The following PTPRJ variants were observed in gnomAD, a reference collection of about 807,000 sequenced individuals.
The protein encoded by PTPRJ is protein tyrosine phosphatase receptor type J.
In PTPRJ, 129 loss-of-function variants were observed where a neutral mutation model predicts 141.3. The observed-to-expected ratio is 0.91, with a 90% CI of 0.79 to 1.06. The LOEUF is 1.06. Among genes scored for constraint, PTPRJ ranks in the 50% least tolerant of loss-of-function variants. The probability of loss-of-function intolerance (pLI) is 0.00; values close to 1 mark genes in which losing one functional copy is unlikely to be tolerated. For synonymous variants in PTPRJ, 610 were observed against 640.5 expected, an observed-to-expected ratio of 0.95 and a Z score of 0.72; for missense variants, 1,601 against 1,679.7, an observed-to-expected ratio of 0.95 and a Z score of 0.82.
intron 1 of PTPRJ, among the ~76,000 whole-genome samples, chr11:48,071,492 A>G (rs1855251057): frequency 6.7e-6 from 1 of 148,286 alleles, no homozygotes; most frequent in Non-Finnish European, 1.5e-5. Context: ...AATTTTTTGT[A>G]TTTTTAGTAG....
intron 1 of PTPRJ, among the ~76,000 whole-genome samples, chr11:48,079,594 T>TG (rs1855506642): frequency 6.6e-6 from 1 of 151,978 alleles, no homozygotes; most frequent in South Asian, 2.1e-4. Context: ...CTGAGGCTCT[T>TG]GGGGGCAACT....
intron 1 of PTPRJ, among the ~76,000 whole-genome samples, chr11:48,074,904 AT>A (rs1855360094): frequency 6.6e-6 from 1 of 152,250 alleles, no homozygotes; most frequent in Non-Finnish European, 1.5e-5. Context: ...ACCTCCAAAA[AT>A]TTTATGTGGG....
rs1263076354 is a variant in PTPRJ at position 48,153,847 on chromosome 11, G to C, written c.3190G>C (p.Glu1064Gln). 6.2e-7 allele frequency: 1 copy of C among 1,613,792 alleles called. No homozygotes were observed. Among genetic ancestry groups the C allele is most frequent in the Non-Finnish European group, 8.5e-7 (1 of 1,179,692 alleles). The part of the protein sequence containing the change: ...SQPKYAAELA[E>Q]NRGKNRYNNV... ...ACCTAAATATGCAGCAGAACTGGCT[G>C]AGAATAGAGGAAAGAATCGCTATAA... Residue 1064 changes from glutamate (E) to glutamine (Q), a missense_variant, in exon 19 of 25, where the codon GAG (glutamate) becomes CAG (glutamine). Physicochemically the swap from Glu to Gln is conservative, Grantham distance 29. Transcript: ENST00000418331.
chr11:48,132,257 C>T (rs1224696758), intron 8 of PTPRJ: 1 of 985,308 alleles, frequency 1.0e-6, no homozygotes, highest in Non-Finnish European at 1.2e-6. Flanking sequence ...ATTTTATAGT[C>T]AGCTACGGTG....
chr11:48,059,039 C>T (rs1345321161), intron 1 of PTPRJ, among the ~76,000 whole-genome samples: 1 of 151,656 alleles, frequency 6.6e-6, no homozygotes, highest in Non-Finnish European at 1.5e-5. Context: ...ACAGAGAGGC[C>T]GGCCCTGATC....
At chr11:48,126,805 CACACACACACACACAGAT>C in intron 6 of PTPRJ, among the ~76,000 whole-genome samples, 1 of 141,452 alleles carries the variant, frequency 7.1e-6, no homozygotes, top group East Asian at 2.1e-4. Context: ...CACACACACA[CACACACACACACACAGAT>C]AAACACACAT....
intron 11 of PTPRJ, among the ~76,000 whole-genome samples, chr11:48,142,650 A>T (rs1328697163): frequency 6.6e-6 from 1 of 152,236 alleles, no homozygotes; most frequent in Non-Finnish European, 1.5e-5. Flanking sequence ...AGCAAAACCA[A>T]ACAAGGCTGC....
At chr11:48,093,993 G>C (rs1855938555) in intron 1 of PTPRJ, among the ~76,000 whole-genome samples, 1 of 152,230 alleles carries the variant, frequency 6.6e-6, no homozygotes, top group Non-Finnish European at 1.5e-5. Flanking sequence ...AGCAGGTGTT[G>C]AATGAGCTCA....
intron 1 of PTPRJ, among the ~76,000 whole-genome samples, chr11:48,088,623 C>T (rs1408262181): frequency 3.9e-5 from 6 of 151,996 alleles, no homozygotes; most frequent in African/African-American, 1.5e-4. Context: ...TTCTATGGGC[C>T]CTCTATAGAG....
In PTPRJ at chr11:48,164,368, C is replaced by A; in HGVS notation, c.3720-12C>A. On this transcript the variant is annotated splice_polypyrimidine_tract_variant and intron_variant, in intron 23 of 24. Transcript: ENST00000418331. Reference sequence around the variant, plus strand: ...AACCCACTGTAATAGGCTTATTTCTCTTTTCTCTCAGTGCTGGGGTCGGAA... The same window carrying A: ...AACCCACTGTAATAGGCTTATTTCTATTTTCTCTCAGTGCTGGGGTCGGAA... 6 of 1,612,940 alleles carry A rather than the reference C, an allele frequency of 3.7e-6. No homozygotes were observed. The highest frequency in any genetic ancestry group is 1.1e-5 in the South Asian group (1 of 90,884).
At chr11:48,104,043 A>C (rs1856226543) in intron 1 of PTPRJ, among the ~76,000 whole-genome samples, 1 of 152,230 alleles carries the variant, frequency 6.6e-6, no homozygotes, top group African/African-American at 2.4e-5. Flanking sequence ...CCCTGATGAC[A>C]GCATGAAGTT....
chr11:48,073,362 GC>G (rs1165571080), intron 1 of PTPRJ, among the ~76,000 whole-genome samples: 1 of 152,216 alleles, frequency 6.6e-6, no homozygotes, highest in East Asian at 1.9e-4. Context: ...ACCTTGTTTA[GC>G]AGATGCTCCC....
Position 47,990,513 on chromosome 11 carries a change from C to G in PTPRJ, c.96+9505C>G, listed in dbSNP as rs139332034. Among the ~76,000 whole-genome samples, 290 of 152,046 alleles carry G rather than the reference C, an allele frequency of 1.9e-3. 1 individual carries two copies. The South Asian group carries it at 0.02, about 10-fold the overall frequency. ...TCCTGGTTCACTGCAACCTTTGCCT[C>G]TGAGGTTCAAGTGATTCTTCTGCCT... On this transcript the variant is annotated intron_variant, in intron 1 of 24. Coordinates refer to ENST00000418331, the MANE Select transcript of PTPRJ (RefSeq NM_002843.4).
intron 1 of PTPRJ, among the ~76,000 whole-genome samples, chr11:48,019,082 G>A (rs576578029): frequency 1.5e-4 from 23 of 152,244 alleles, no homozygotes; most frequent in South Asian, 6.2e-4. Context: ...AAAGGCTGGG[G>A]TAAGTGGAGT....
chr11:48,142,482 G>A (rs1358197117), intron 11 of PTPRJ, among the ~76,000 whole-genome samples: 2 of 151,976 alleles, frequency 1.3e-5, no homozygotes, highest in Non-Finnish European at 2.9e-5. Context: ...AGCATGGGAT[G>A]TCTTTGCATG....
intron 1 of PTPRJ, among the ~76,000 whole-genome samples, chr11:48,070,583 A>T (rs1365266379): frequency 6.6e-6 from 1 of 151,726 alleles, no homozygotes; most frequent in Non-Finnish European, 1.5e-5. Context: ...GCTTAGTCTC[A>T]TCTCCATAGT....
intron 21 of PTPRJ, among the ~76,000 whole-genome samples, chr11:48,159,114 GTA>G (rs1491048342): frequency 1.4e-4 from 5 of 36,472 alleles, no homozygotes; most frequent in Non-Finnish European, 3.5e-4. Context: ...GTGTGTGTGT[GTA>G]TGTGGGGTGT....
intron 6 of PTPRJ, among the ~76,000 whole-genome samples, chr11:48,127,111 G>C (rs761028892): frequency 6.6e-6 from 1 of 152,140 alleles, no homozygotes; most frequent in Non-Finnish European, 1.5e-5. Flanking sequence ...CTGCCCATTG[G>C]CTCATAGTGG....
intron 1 of PTPRJ, among the ~76,000 whole-genome samples, chr11:48,068,832 G>A (rs1855154541): frequency 6.6e-6 from 1 of 152,150 alleles, no homozygotes; most frequent in South Asian, 2.1e-4. Context: ...TGTGTGAAAT[G>A]TAGATCAAGT....
Sources: allele counts gnomAD v4.1 joint callset (sites outside exome capture counted in the v4.1 genomes callset), GRCh38; gene constraint gnomAD v4.1.1; transcripts MANE v1.5; gene names NCBI Gene and HGNC (gene_info 2026-07-23, HGNC 2026-07-21).